The following CEP120 variants were observed in gnomAD, a reference collection of about 807,000 sequenced individuals.
CEP120 encodes the protein centrosomal protein of 120 kDa.
In CEP120, 113 loss-of-function variants were observed where a neutral mutation model predicts 126.5. The observed-to-expected ratio is 0.89, with a 90% CI of 0.77 to 1.04. CEP120 has a LOEUF of 1.04. Ranked by LOEUF, CEP120 falls within the 50% of genes least tolerant of loss-of-function variation. CEP120 has a pLI of 0.00. For synonymous variants in CEP120, 400 were observed against 394.3 expected (o/e 1.01, Z -0.17); for missense variants, 1,230 against 1,155.7 (o/e 1.06, Z -0.93).
intron 18 of CEP120, among the ~76,000 whole-genome samples, chr5:123,362,299 G>A (rs530783940): frequency 4.0e-5 from 6 of 151,616 alleles, no homozygotes; most frequent in East Asian, 3.9e-4. Flanking sequence ...CAGTACTCTC[G>A]TCAGAGTGGC....
At chr5:123,404,214 A>C (rs1288658815) in intron 4 of CEP120, among the ~76,000 whole-genome samples, 1 of 152,238 alleles carries the variant, frequency 6.6e-6, no homozygotes, top group Admixed American at 6.5e-5. Context: ...CAACGAAAAC[A>C]AATTCTTAAA....
chr5:123,381,752 T>A (rs1278278776), intron 14 of CEP120, among the ~76,000 whole-genome samples: 1 of 139,952 alleles, frequency 7.1e-6, no homozygotes, highest in East Asian at 2.2e-4. Context: ...TGTATATTCA[T>A]ATACACACAC....
chr5:123,388,139 T>C (rs147554183), intron 9 of CEP120, among the ~76,000 whole-genome samples: 19 of 152,236 alleles, frequency 1.2e-4, no homozygotes, highest in African/African-American at 4.3e-4. Context: ...CTGTACTTTA[T>C]ATGGCATATT....
At chr5:123,393,914 G>A (rs12519428) in intron 5 of CEP120, among the ~76,000 whole-genome samples, 1 of 152,144 alleles carries the variant, frequency 6.6e-6, no homozygotes, top group African/African-American at 2.4e-5. Flanking sequence ...ATTTAATCCA[G>A]GCTATCTAAC....
chr5:123,386,702 T>C, intron 9 of CEP120, 35 bp from the exon 10 acceptor site: 1 of 1,126,180 alleles, frequency 8.9e-7, no homozygotes, highest in East Asian at 2.8e-5. Flanking sequence ...AAAAAAAGCC[T>C]TAATGATATG....
intron 14 of CEP120, among the ~76,000 whole-genome samples, chr5:123,381,299 G>C (rs1372498228): frequency 6.6e-6 from 1 of 152,070 alleles, no homozygotes; most frequent in Non-Finnish European, 1.5e-5. Flanking sequence ...TAGCAATCTT[G>C]CTGAGCTGAG....
chr5:123,415,427 AAAGCTCAGGGGCTAGGCATGTT>A (rs772991588), intron 3 of CEP120, among the ~76,000 whole-genome samples: 3 of 152,272 alleles, frequency 2.0e-5, no homozygotes, highest in Non-Finnish European at 4.4e-5. Context: ...CTTTAAAAGG[AAAGCTCAGGGGCTAGGCATGTT>A]AAGCTTCCGG....
At chr5:123,367,629 A>T (rs144846590) in intron 17 of CEP120, among the ~76,000 whole-genome samples, 35 of 152,008 alleles carry the variant, frequency 2.3e-4, no homozygotes, top group Non-Finnish European at 4.9e-4. Context: ...CAATGCAAAC[A>T]TCCCAAAATC....
chr5:123,349,893 T>C, intron 19 of CEP120, 51 bp downstream of exon 19: 2 of 1,536,790 alleles, frequency 1.3e-6, no homozygotes, highest in Non-Finnish European at 1.8e-6. Context: ...AAGTTGTACC[T>C]TCCCTGAACC....
intron 8 of CEP120, among the ~76,000 whole-genome samples, chr5:123,389,658 G>A (rs1006190227): frequency 1.6e-4 from 25 of 151,908 alleles, no homozygotes; most frequent in Non-Finnish European, 3.2e-4. Context: ...GCACCACCAC[G>A]CCTGGCTAAT....
In CEP120 at chr5:123,393,314, G is replaced by A. The variant is rs751408671; in HGVS notation, c.796C>T (p.Gln266Ter). Residue 266 changes from glutamine (Q) to a stop codon, truncating the protein, a stop_gained, in exon 6 of 20, where the codon CAG becomes TAG. Coordinates refer to ENST00000306467, the MANE Select transcript of CEP120 (RefSeq NM_001375405.1). LOFTEE classifies it high-confidence loss of function. ...GCAATACTCACCTGCAGTTTAGACT[G>A]AAGAGCCAGGTAAACACGAAGAATT... ...VEILRVYLAL[Q>*]SKLQIHLCCG... 1 of 1,614,104 alleles carries A rather than the reference G, an allele frequency of 6.2e-7. No individual in the cohort carries two copies. Among genetic ancestry groups the A allele is most frequent in the Non-Finnish European group, 8.5e-7 (1 of 1,179,994 alleles).
intron 4 of CEP120, among the ~76,000 whole-genome samples, chr5:123,399,557 C>T (rs1773036258): frequency 6.6e-6 from 1 of 152,034 alleles, no homozygotes. Flanking sequence ...ATAGGTTTTA[C>T]AGTGAATCTA....
chr5:123,368,607 A>C (rs1005342680), intron 17 of CEP120, among the ~76,000 whole-genome samples: 1 of 152,012 alleles, frequency 6.6e-6, no homozygotes, highest in African/African-American at 2.4e-5. Flanking sequence ...ACATTTACTG[A>C]GTTCAGAAAC....
chr5:123,412,522 A>T lies in CEP120; in HGVS notation c.340T>A (p.Leu114Met). ...ETKQAPKWYQLLSNKYTKFKS... is the reference protein window; with the variant it reads ...ETKQAPKWYQMLSNKYTKFKS... ...AATTTGGTGTATTTATTACTCAGCA[A>T]CTGGTACCATTTTGGTGCCTAGAGA... The change falls in exon 4 of 20, where the codon TTG becomes ATG. Residue 114 changes from leucine to methionine, a missense_variant. By Grantham distance (15) the Leu-to-Met change is conservative (BLOSUM62 2). Coordinates refer to ENST00000306467, the MANE Select transcript of CEP120 (RefSeq NM_001375405.1). The T allele has an allele frequency of 6.2e-7, 1 of 1,602,382 alleles. No individual in the cohort carries two copies. Among genetic ancestry groups the T allele is most frequent in the Non-Finnish European group, 8.5e-7 (1 of 1,175,836 alleles).
chr5:123,401,743 C>A (rs906727197), intron 4 of CEP120: 338 of 1,193,948 alleles, frequency 2.8e-4, no homozygotes, highest in East Asian at 1.4e-3. Context: ...AAGCTTCATC[C>A]ACAATCCTTC....
At chr5:123,409,809 T>A (rs548207410) in intron 4 of CEP120, among the ~76,000 whole-genome samples, 1 of 151,756 alleles carries the variant, frequency 6.6e-6, no homozygotes, top group South Asian at 2.1e-4. Flanking sequence ...ATACAAAAAT[T>A]AGCCAGGCAT....
At chr5:123,420,197 C>T (rs183376134) in intron 1 of CEP120, among the ~76,000 whole-genome samples, 1 of 152,268 alleles carries the variant, frequency 6.6e-6, no homozygotes, top group Admixed American at 6.5e-5. Flanking sequence ...TACCTAGCTT[C>T]CCCAAATGAA....
intron 11 of CEP120, among the ~76,000 whole-genome samples, chr5:123,383,969 C>T (rs1771847189): frequency 6.6e-6 from 1 of 152,024 alleles, no homozygotes. Flanking sequence ...TCACAGATTT[C>T]AGAAGAAATG....
chr5:123,405,988 A>T (rs1186936140), intron 4 of CEP120, among the ~76,000 whole-genome samples: 1 of 152,184 alleles, frequency 6.6e-6, no homozygotes, highest in Non-Finnish European at 1.5e-5. Flanking sequence ...AGATAATGGG[A>T]GCAGAAAGAT....
Sources: gnomAD v4.1 joint callset for allele counts (sites outside exome capture counted in the v4.1 genomes callset) on GRCh38, gnomAD v4.1.1 for gene constraint, MANE v1.5 for transcripts, NCBI Gene and HGNC (gene_info 2026-07-23, HGNC 2026-07-21) for gene names.